The following CYLD variants were observed in gnomAD, a reference collection of about 807,000 sequenced individuals.
The protein encoded by CYLD is ubiquitin carboxyl-terminal hydrolase CYLD.
CYLD carries 26 observed loss-of-function variants against 104.5 expected under a neutral mutation model. The ratio of observed to expected loss-of-function variants is 0.25; its 90% confidence interval spans 0.18 to 0.35. The LOEUF is 0.35. Ranked by LOEUF, CYLD falls within the 10% of genes least tolerant of loss-of-function variation. CYLD has a pLI of 1.00. For missense variants in CYLD, 703 were observed against 1,136.1 expected, an observed-to-expected ratio of 0.62 and a Z score of 5.48; for synonymous variants, 385 against 399.9, an observed-to-expected ratio of 0.96 and a Z score of 0.45.
Position 50,758,766 on chromosome 16 carries a change from G to A in CYLD, c.913+4342G>A, listed in dbSNP as rs148888490. ...GGCTGGAGAGGCAATTTACCCAGGT[G>A]GGAAAGACAACAGGAAGAGCATGCG... On this transcript the variant is annotated intron_variant, in intron 5 of 18. Transcript: ENST00000427738. Among the ~76,000 whole-genome samples the A allele has an allele frequency of 1.8e-3, 281 of 152,256 alleles. 3 individuals are homozygous for A. Among genetic ancestry groups the A allele is most frequent in the African/African-American group, 6.5e-3 (270 of 41,548 alleles).
intron 14 of CYLD, among the ~76,000 whole-genome samples, chr16:50,789,754 A>C (rs912953201): frequency 6.6e-6 from 1 of 152,208 alleles, no homozygotes; most frequent in African/African-American, 2.4e-5. Flanking sequence ...AAAATAATTA[A>C]ATAGTCTAAA....
rs962520540 is a variant in CYLD, at chr16:50,762,354, G to A, written c.913+7930G>A. Reference sequence around the variant, plus strand: ...TACATTTAAGTGTGTTATTCACTTAGATTTGGTTTTGAACAGGATATGAAA... The same window carrying A: ...TACATTTAAGTGTGTTATTCACTTAAATTTGGTTTTGAACAGGATATGAAA... On this transcript the variant is annotated intron_variant, in intron 5 of 18. Coordinates refer to ENST00000427738, the MANE Select transcript of CYLD (RefSeq NM_001378743.1). Among the ~76,000 whole-genome samples, 8 of 152,150 alleles carry A rather than the reference G, an allele frequency of 5.3e-5. 1 individual carries two copies. Among genetic ancestry groups the A allele is most frequent in the African/African-American group, 1.9e-4 (8 of 41,420 alleles).
Position 50,788,937 on chromosome 16 carries a change from G to A in CYLD, c.2108+1085G>A, listed in dbSNP as rs143693513. On this transcript the variant is annotated intron_variant, in intron 14 of 18. Transcript: ENST00000427738. ...TTGATTAATTAGTGAGAAAGATTAC[G>A]TTCTGGGTAGGACAATTAAATAATT... Among the ~76,000 whole-genome samples, 22 of 152,194 alleles carry A rather than the reference G, an allele frequency of 1.4e-4. 1 individual carries two copies. Among genetic ancestry groups the A allele is most frequent in the East Asian group, 9.7e-4 (5 of 5,176 alleles).
At chr16:50,786,797 G>T in intron 12 of CYLD, 58 bp from the exon 13 acceptor site, 2 of 1,156,648 alleles carry the variant, frequency 1.7e-6, no homozygotes, top group South Asian at 2.6e-5. Context: ...ATGTGATTAA[G>T]ATGTGTTATA....
At position 50,800,736 on chromosome 16, in the gene CYLD, CAA is replaced by C. The variant is rs1972396841; in HGVS notation, c.*4230_*4231del. The C allele has an allele frequency of 4.3e-6, 1 of 232,986 alleles. No individual in the cohort carries two copies. The highest frequency in any genetic ancestry group is 6.0e-5 in the East Asian group (1 of 16,604). 14.4% of individuals were successfully genotyped at this position (232,986 alleles called of 1,614,324 possible). On this transcript the variant is annotated 3_prime_UTR_variant, in exon 19 of 19. Transcript: ENST00000427738. ...ATGGGAAGATTTTTCTCTGGGATAA[CAA>C]ATCCTTGTCATAAAGTAAGAGGTCT...
chr16:50,743,942 C>T (rs1269215420), intron 2 of CYLD, among the ~76,000 whole-genome samples: 2 of 152,172 alleles, frequency 1.3e-5, no homozygotes, highest in Admixed American at 1.3e-4. Flanking sequence ...TTCTCTTTCT[C>T]TTGGTTTAAT....
At chr16:50,785,051 A>G (rs1490463662) in intron 12 of CYLD, 1 of 153,904 alleles carries the variant, frequency 6.5e-6, no homozygotes, top group Non-Finnish European at 1.4e-5. Flanking sequence ...ACAGGAAGCA[A>G]TTTGTAATGG....
chr16:50,766,921 G>A (rs2150957110), intron 5 of CYLD, among the ~76,000 whole-genome samples: 1 of 152,334 alleles, frequency 6.6e-6, no homozygotes, highest in Admixed American at 6.5e-5. Flanking sequence ...GAACATCGTT[G>A]AGATGACAAC....
intron 14 of CYLD, among the ~76,000 whole-genome samples, chr16:50,789,881 G>C (rs1971259553): frequency 6.6e-6 from 1 of 152,150 alleles, no homozygotes; most frequent in Non-Finnish European, 1.5e-5. Flanking sequence ...TCCAGAAATA[G>C]AAACCATATC....
chr16:50,746,318 G>A (rs1265939618), intron 2 of CYLD, among the ~76,000 whole-genome samples: 4 of 152,222 alleles, frequency 2.6e-5, no homozygotes, highest in Admixed American at 1.3e-4. Flanking sequence ...GATTACAGGC[G>A]TGAGTCACTG....
chr16:50,779,035 T>G (rs1053364020), intron 8 of CYLD, among the ~76,000 whole-genome samples: 2 of 152,210 alleles, frequency 1.3e-5, no homozygotes, highest in South Asian at 4.1e-4. Flanking sequence ...TTGTGTTTAT[T>G]CTGGCTTTGA....
At chr16:50,744,520 T>C (rs1036916108) in intron 2 of CYLD, among the ~76,000 whole-genome samples, 1 of 152,240 alleles carries the variant, frequency 6.6e-6, no homozygotes, top group Non-Finnish European at 1.5e-5. Flanking sequence ...TTTATTCTAA[T>C]TTAAATAGCT....
Position 50,798,183 on chromosome 16 carries a change from A to G in CYLD, c.*1675A>G, listed in dbSNP as rs1180335422. On this transcript the variant is annotated 3_prime_UTR_variant, in exon 19 of 19. Coordinates refer to ENST00000427738, the MANE Select transcript of CYLD (RefSeq NM_001378743.1). ...TGTTGAATGAAGAAATGGGTGAATGAGCTTGTCAATGTGATTTTAAAAAAT... is the reference window on the plus strand; with the variant it reads ...TGTTGAATGAAGAAATGGGTGAATGGGCTTGTCAATGTGATTTTAAAAAAT... The G allele has an allele frequency of 4.3e-6, 1 of 232,104 alleles. No individual in the cohort carries two copies. Among genetic ancestry groups the G allele is most frequent in the African/African-American group, 2.2e-5 (1 of 45,284 alleles). The allele number at this position is 232,104 out of a possible 1,614,324, so 14.4% of individuals were successfully genotyped here.
At chr16:50,757,436 A>G (rs1343063002) in intron 5 of CYLD, among the ~76,000 whole-genome samples, 1 of 152,168 alleles carries the variant, frequency 6.6e-6, no homozygotes, top group Non-Finnish European at 1.5e-5. Context: ...TTGAATTCCT[A>G]GCTATTTTTT....
chr16:50,755,054 T>TAC (rs1219191022), intron 5 of CYLD, among the ~76,000 whole-genome samples: 2 of 90,662 alleles, frequency 2.2e-5, no homozygotes, highest in African/African-American at 8.4e-5. Context: ...TATATATGTA[T>TAC]ATATACATAT....
At chr16:50,786,817 A>G (rs1250088736) in intron 12 of CYLD, 38 bp from the exon 13 acceptor site, 8 of 1,358,372 alleles carry the variant, frequency 5.9e-6, no homozygotes, top group Non-Finnish European at 7.4e-6. Flanking sequence ...ATAATTTAAT[A>G]CATGCCAATA....
intron 2 of CYLD, among the ~76,000 whole-genome samples, chr16:50,743,545 A>T (rs2216313): frequency 0.1 from 15,729 of 152,226 alleles, 2,664 homozygotes; most frequent in African/African-American, 0.36. Flanking sequence ...ATTAAGCAGC[A>T]ATGATTTTTA....
Position 50,751,910 on chromosome 16 carries a change from A to T in CYLD, c.807+4A>T. 1 of 1,599,830 alleles carries T rather than the reference A, an allele frequency of 6.3e-7. No individual in the cohort carries two copies. The highest frequency in any genetic ancestry group is 8.5e-7 in the Non-Finnish European group (1 of 1,172,040). On this transcript the variant is annotated splice_donor_region_variant and intron_variant, in intron 4 of 18. Transcript: ENST00000427738. ...ATATTTTGTTGGTGTGGACATGGTA[A>T]GAAAATTTTGGATTAAATATCTTTG...
intron 5 of CYLD, among the ~76,000 whole-genome samples, chr16:50,770,407 G>A (rs957806781): frequency 2.7e-5 from 4 of 150,830 alleles, no homozygotes; most frequent in Non-Finnish European, 4.4e-5. Context: ...GTTGAACATC[G>A]TTCCGTGTAC....
Sources: gnomAD v4.1 joint callset for allele counts (sites outside exome capture counted in the v4.1 genomes callset) on GRCh38, gnomAD v4.1.1 for gene constraint, MANE v1.5 for transcripts, NCBI Gene and HGNC (gene_info 2026-07-23, HGNC 2026-07-21) for gene names.